Variants in DST observed in about 807,000 individuals in gnomAD.
DST encodes dystonin, also known as bullous pemphigoid antigen.
A neutral mutation model predicts 875.2 loss-of-function variants in DST; 253 were observed. The observed-to-expected ratio is 0.29, with a 90% CI of 0.26 to 0.32. The LOEUF is 0.32. Ranked by LOEUF, DST falls within the 10% of genes least tolerant of loss-of-function variation. The probability of loss-of-function intolerance (pLI) is 1.00; values close to 1 mark genes in which losing one functional copy is unlikely to be tolerated. For missense variants in DST, 8,287 were observed against 9,111.6 expected (o/e 0.91, Z 3.68); for synonymous variants, 3,124 against 3,197.1 (o/e 0.98, Z 0.77).
intron 80 of DST, 81 bp downstream of exon 80, chr6:56,500,998 TA>T: frequency 2.2e-6 from 3 of 1,384,364 alleles, no homozygotes; most frequent in Non-Finnish European, 2.9e-6. Flanking sequence ...GAAACACGCA[TA>T]AAGAAGAAAT....
intron 9 of DST, chr6:56,692,418 G>A (rs1432641795): frequency 1.6e-6 from 2 of 1,287,084 alleles, no homozygotes; most frequent in African/African-American, 1.5e-5. Context: ...TAGAAACAGA[G>A]GACATACTAG....
At position 56,629,232 on chromosome 6, in the gene DST, AC is replaced by A. The variant is rs2098757851; in HGVS notation, c.4475+17del. On this transcript the variant is annotated intron_variant, in intron 32 of 103. Coordinates refer to ENST00000680361, the MANE Select transcript of DST (RefSeq NM_001374736.1). The stretch of plus-strand genomic sequence containing the variant: ...GACATTAAATCTGTGCTAAAACTGA[AC>A]AAAAAAGGATACTAACCTGTTGTCA... 8 of 1,613,064 alleles carry A rather than the reference AC, an allele frequency of 5.0e-6. No individual in the cohort carries two copies. Among genetic ancestry groups the A allele is most frequent in the Non-Finnish European group, 6.8e-6 (8 of 1,179,198 alleles).
rs1389787527 is a variant in DST at position 56,463,717 on chromosome 6, C to G, written c.22807G>C (p.Asp7603His). 3 of 1,614,022 alleles carry G rather than the reference C, an allele frequency of 1.9e-6. No homozygotes were observed. The highest frequency in any genetic ancestry group is 2.5e-6 in the Non-Finnish European group (3 of 1,179,900). Residue 7603 changes from aspartate to histidine, a missense_variant, in exon 101 of 104, where the codon GAT (aspartate) becomes CAT (histidine). Physicochemically the swap from Asp to His is moderately conservative, Grantham distance 81. Coordinates refer to ENST00000680361, the MANE Select transcript of DST (RefSeq NM_001374736.1). Reference sequence around the variant, plus strand: ...GCAGCCATACCCTGGCTGGCACCATCTGCTAAAATGAACTTCTCACGCAGT... The same window carrying G: ...GCAGCCATACCCTGGCTGGCACCATGTGCTAAAATGAACTTCTCACGCAGT... ...MELREKFILA[D>H]GASQGMAAFR...
Position 56,900,583 on chromosome 6 carries a change from A to C in DST, c.255T>G (p.Val85=). The change falls in exon 3 of 104, where the codon GTT becomes GTG. Residue 85 remains valine, a synonymous_variant. Coordinates refer to ENST00000680361, the MANE Select transcript of DST (RefSeq NM_001374736.1). ...RASPRHLRRR[V]AAAAAARLEE... is the part of the protein sequence containing the mutation. ...CCAGACGGGCAGCTGCGGCCGCTGC[A>C]ACTCGTCTTCTAAGATGCCGAGGGC... 1 of 1,367,684 alleles carries C rather than the reference A, an allele frequency of 7.3e-7. No homozygotes were observed. Among genetic ancestry groups the C allele is most frequent in the Non-Finnish European group, 9.8e-7 (1 of 1,021,846 alleles). 84.7% of individuals were successfully genotyped at this position (1,367,684 alleles called of 1,614,324 possible). A position where few individuals can be genotyped will look rare whatever the true frequency, so the allele number is the denominator to read the frequency against.
intron 2 of DST, among the ~76,000 whole-genome samples, chr6:56,906,875 T>C (rs1361444549): frequency 6.6e-6 from 1 of 152,194 alleles, no homozygotes; most frequent in East Asian, 1.9e-4. Context: ...ACACTTATCT[T>C]GTGGCTTATT....
At chr6:56,498,246 T>C (rs1372103424) in intron 80 of DST, among the ~76,000 whole-genome samples, 193 bp from the exon 81 acceptor site, 1 of 152,166 alleles carries the variant, frequency 6.6e-6, no homozygotes, top group Non-Finnish European at 1.5e-5. Flanking sequence ...CTATTAGAGC[T>C]CACTGCAACC....
intron 4 of DST, among the ~76,000 whole-genome samples, chr6:56,772,037 G>A (rs2099667454): frequency 6.6e-6 from 1 of 152,054 alleles, no homozygotes. Flanking sequence ...TCTCCAAAAG[G>A]GAAACTGAAA....
intron 93 of DST, 97 bp downstream of exon 93, chr6:56,473,776 A>G: frequency 1.6e-6 from 2 of 1,219,994 alleles, no homozygotes. Flanking sequence ...GTGCTCATGT[A>G]AAATCACCAA....
intron 84 of DST, 31 bp downstream of exon 84, chr6:56,492,903 G>C (rs777647805): frequency 1.4e-6 from 2 of 1,393,122 alleles, no homozygotes; most frequent in South Asian, 1.6e-5. Flanking sequence ...TGTCTGAAAA[G>C]AGAATCCTAT....
In DST at chr6:56,487,214, T is replaced by C. The variant is rs200383542; in HGVS notation, c.20937A>G (p.Gly6979=). The C allele has an allele frequency of 3.9e-5, 63 of 1,613,698 alleles. 1 individual carries two copies. In the Admixed American group the frequency reaches 8.5e-4, roughly 22 times the overall value. ...HSVYDTTNRT[G]RSLKEKTSLA... ...GGGAGGTTTTCTCCTTCAGAGAACGTCCAGTCCTGTTGGTGGTGTCGTAGA... is the reference window on the plus strand; with the variant it reads ...GGGAGGTTTTCTCCTTCAGAGAACGCCCAGTCCTGTTGGTGGTGTCGTAGA... The change falls in exon 87 of 104, where the codon GGA becomes GGG. Residue 6979 remains glycine, a synonymous_variant. Coordinates refer to ENST00000680361, the MANE Select transcript of DST (RefSeq NM_001374736.1).
intron 3 of DST, among the ~76,000 whole-genome samples, chr6:56,867,154 T>A (rs1300731415): frequency 6.6e-6 from 1 of 152,190 alleles, no homozygotes; most frequent in African/African-American, 2.4e-5. Context: ...CTGGCAGAGC[T>A]CTGTGCCTCC....
chr6:56,742,351 A>G (rs970689379), intron 4 of DST: 2 of 1,289,670 alleles, frequency 1.6e-6, no homozygotes, highest in African/African-American at 3.0e-5. Flanking sequence ...TCTGCAGGAA[A>G]TCTGTGCAGC....
chr6:56,564,833 G>C (rs1000118565), intron 55 of DST, among the ~76,000 whole-genome samples: 68 of 152,266 alleles, frequency 4.5e-4, no homozygotes, highest in African/African-American at 1.5e-3. Context: ...TAATAATGTG[G>C]GTTTTGTTGT....
chr6:56,569,185 C>T (rs1233355873), intron 54 of DST, among the ~76,000 whole-genome samples: 5 of 151,570 alleles, frequency 3.3e-5, no homozygotes, highest in South Asian at 2.1e-4. Context: ...ATTAGCTGGG[C>T]GTGGTGGCAG....
intron 2 of DST, among the ~76,000 whole-genome samples, chr6:56,928,471 C>T (rs1449780355): frequency 6.6e-6 from 1 of 152,112 alleles, no homozygotes; most frequent in African/African-American, 2.4e-5. Flanking sequence ...AACCCAAAAG[C>T]CCACTTATGC....
intron 9 of DST, among the ~76,000 whole-genome samples, chr6:56,690,335 T>C (rs941564089): frequency 5.9e-5 from 9 of 152,182 alleles, no homozygotes; most frequent in African/African-American, 2.2e-4. Context: ...ACAAATCTAA[T>C]ATACTCCTTT....
At chr6:56,596,488 C>T (rs2098388986) in intron 47 of DST, among the ~76,000 whole-genome samples, 1 of 152,184 alleles carries the variant, frequency 6.6e-6, no homozygotes, top group Non-Finnish European at 1.5e-5. Flanking sequence ...AACTTACTAA[C>T]TTTTCCTGAC....
intron 50 of DST, among the ~76,000 whole-genome samples, chr6:56,574,428 T>C (rs1338638112): frequency 2.6e-5 from 4 of 152,148 alleles, no homozygotes; most frequent in South Asian, 2.1e-4. Flanking sequence ...ACTTCACAAC[T>C]TAAGCAAATC....
Position 56,642,439 on chromosome 6 carries a change from G to A in DST, c.1843C>T (p.Leu615=). Reference sequence around the variant, plus strand: ...TGAAGAGCATTTCCAGCAAGAATCAGTTTGTCTTCACAGATGACACTGTCC... The same window carrying A: ...TGAAGAGCATTTCCAGCAAGAATCAATTTGTCTTCACAGATGACACTGTCC... The part of the protein sequence containing the change: ...QRDSVICEDK[L]ILAGNALQSD... The change falls in exon 16 of 104, where the codon CTG becomes TTG. Residue 615 remains leucine, a synonymous_variant. Coordinates refer to ENST00000680361, the MANE Select transcript of DST (RefSeq NM_001374736.1). The A allele has an allele frequency of 6.2e-7, 1 of 1,613,506 alleles. No homozygotes were observed. Among genetic ancestry groups the A allele is most frequent in the South Asian group, 1.1e-5 (1 of 91,064 alleles).
Sources: gnomAD v4.1 joint callset for allele counts (sites outside exome capture counted in the v4.1 genomes callset) on GRCh38, gnomAD v4.1.1 for gene constraint, MANE v1.5 for transcripts, NCBI Gene and HGNC (gene_info 2026-07-23, HGNC 2026-07-21) for gene names.